MKRN2: variants seen among roughly 807,000 people sequenced by gnomAD.
The protein encoded by MKRN2 is makorin ring finger protein 2.
Under a neutral mutation model 45.4 loss-of-function variants are expected in MKRN2, and 32 were observed. The ratio of observed to expected loss-of-function variants is 0.70; its 90% CI spans 0.53 to 0.95. MKRN2 has a LOEUF of 0.95. Among genes scored for constraint, MKRN2 ranks in the 40% least tolerant of loss-of-function variants. The pLI, the probability that MKRN2 is intolerant of heterozygous loss-of-function variation, is 0.00. For missense variants in MKRN2, 526 were observed against 536.7 expected (o/e 0.98, Z 0.20); for synonymous variants, 206 against 192.4 (o/e 1.07, Z -0.59).
intron 3 of MKRN2, among the ~76,000 whole-genome samples, chr3:12,570,610 C>G (rs1018052556): frequency 6.6e-6 from 1 of 152,140 alleles, no homozygotes; most frequent in Admixed American, 6.5e-5. Flanking sequence ...GGTAAAGTGG[C>G]TCACACCTAT....
chr3:12,566,241 T>A (rs1327215916), intron 1 of MKRN2, among the ~76,000 whole-genome samples: 4 of 152,236 alleles, frequency 2.6e-5, no homozygotes, highest in African/African-American at 9.6e-5. Flanking sequence ...TACCAAGACC[T>A]AGAATATGCC....
chr3:12,569,225 G>A (rs1293441871), intron 2 of MKRN2, among the ~76,000 whole-genome samples: 2 of 140,680 alleles, frequency 1.4e-5, no homozygotes, highest in Non-Finnish European at 3.0e-5. Context: ...GCAGTGGTGC[G>A]ATCTCAGTTC....
chr3:12,576,191 G>T (rs13063580), intron 5 of MKRN2, among the ~76,000 whole-genome samples: 1 of 73,530 alleles, frequency 1.4e-5, no homozygotes, highest in Non-Finnish European at 2.4e-5. Flanking sequence ...AACCATATAT[G>T]TGTGTGTGTG....
intron 5 of MKRN2, among the ~76,000 whole-genome samples, 164 bp from the exon 6 acceptor site, chr3:12,576,467 G>A (rs2058137305): frequency 6.6e-6 from 1 of 152,014 alleles, no homozygotes; most frequent in Non-Finnish European, 1.5e-5. Context: ...ACCCTATTTT[G>A]TTAATAGTAA....
chr3:12,583,161 A>C lies in MKRN2; in HGVS notation c.*908A>C, dbSNP rs1306954831. On this transcript the variant is annotated 3_prime_UTR_variant, in exon 8 of 8. Transcript: ENST00000170447. ...TGGCTTTGATTTGAAATTTTGTAAAAATTTCATGGCACCCAAGGTTTCTGA... is the reference window on the plus strand; with the variant it reads ...TGGCTTTGATTTGAAATTTTGTAAACATTTCATGGCACCCAAGGTTTCTGA... 6.6e-6 allele frequency: 1 copy of C among 152,132 alleles called. No individual in the cohort carries two copies. The allele number at this position is 152,132 out of a possible 1,614,324, so 9.4% of individuals were successfully genotyped here. A position where few individuals can be genotyped will look rare whatever the true frequency, so the allele number is the denominator to read the frequency against.
At position 12,576,800 on chromosome 3, in the gene MKRN2, G is replaced by A. The variant is rs552097539; in HGVS notation, c.968+59G>A. ...GCCTGCCTGGCTCTGCTGTCAGCCC[G>A]TGTCCTCGTTCTCCTTCCCAGGAGT... On this transcript the variant is annotated intron_variant, in intron 6 of 7. Coordinates refer to ENST00000170447, the MANE Select transcript of MKRN2 (RefSeq NM_014160.5). 3.2e-4 allele frequency: 406 copies of A among 1,255,664 alleles called. 6 individuals carry two copies. The South Asian group carries it at 4.1e-3, about 13-fold the overall frequency. 77.8% of individuals were successfully genotyped at this position (1,255,664 alleles called of 1,614,324 possible).
intron 1 of MKRN2, among the ~76,000 whole-genome samples, chr3:12,557,394 G>A (rs1453108805): frequency 2.6e-5 from 4 of 152,254 alleles, no homozygotes; most frequent in African/African-American, 9.6e-5. Flanking sequence ...CCAGCGCGGG[G>A]GGCTACGCCC....
chr3:12,581,571 T>A (rs2058178355), intron 6 of MKRN2, among the ~76,000 whole-genome samples: 1 of 152,166 alleles, frequency 6.6e-6, no homozygotes, highest in African/African-American at 2.4e-5. Context: ...CAGGTTAATA[T>A]CCTTTGCAAG....
intron 1 of MKRN2, among the ~76,000 whole-genome samples, chr3:12,566,009 A>T (rs2058067472): frequency 6.6e-6 from 1 of 151,928 alleles, no homozygotes; most frequent in African/African-American, 2.4e-5. Flanking sequence ...AGTAGCCATC[A>T]TGCACGGCTG....
chr3:12,570,883 CAAAAAAAAAAA>C (rs889392244), intron 3 of MKRN2, among the ~76,000 whole-genome samples: 4 of 48,784 alleles, frequency 8.2e-5, no homozygotes, highest in Admixed American at 4.5e-4. Context: ...GACTCCCTCT[CAAAAAAAAAAA>C]AAAAAAAAAG....
At chr3:12,582,008 G>A (rs2058183800) in intron 7 of MKRN2, 56 bp downstream of exon 7, 1 of 1,609,316 alleles carries the variant, frequency 6.2e-7, no homozygotes, top group Admixed American at 1.7e-5. Context: ...GGCATTTCCA[G>A]GTACCGTTCC....
Position 12,574,888 on chromosome 3 carries a change from G to C in MKRN2, c.739G>C (p.Glu247Gln), listed in dbSNP as rs111242912. ...CAGTATCTGCATGGAAGTGATCCTG[G>C]AGAAGGCCTCTGCTTCTGAGAGGAG... ...VCSICMEVIL[E>Q]KASASERRFG... The change falls in exon 5 of 8, where the codon GAG (glutamate) becomes CAG (glutamine). Residue 247 changes from glutamate (E) to glutamine (Q), a missense_variant. Transcript: ENST00000170447. The C allele has an allele frequency of 2.5e-6, 4 of 1,614,212 alleles. No individual in the cohort carries two copies. The highest frequency in any genetic ancestry group is 3.4e-6 in the Non-Finnish European group (4 of 1,180,006).
chr3:12,567,827 GTCTCTACTGTTTGAGTAT>G (rs1001656418), intron 1 of MKRN2, among the ~76,000 whole-genome samples: 2 of 152,018 alleles, frequency 1.3e-5, no homozygotes, highest in Non-Finnish European at 2.9e-5. Flanking sequence ...TTCATCTAGG[GTCTCTACTGTTTGAGTAT>G]TCACTCAGGT....
intron 5 of MKRN2, among the ~76,000 whole-genome samples, chr3:12,575,719 T>G (rs1430052063): frequency 2.6e-5 from 4 of 152,230 alleles, no homozygotes; most frequent in Non-Finnish European, 5.9e-5. Flanking sequence ...CTCATCCGCT[T>G]TCTGTCTCTA....
chr3:12,574,465 G>T (rs79836657), intron 4 of MKRN2, among the ~76,000 whole-genome samples: 1 of 152,194 alleles, frequency 6.6e-6, no homozygotes, highest in South Asian at 2.1e-4. Flanking sequence ...GAGGAGCTGG[G>T]GGACTAGGGC....
intron 1 of MKRN2, among the ~76,000 whole-genome samples, chr3:12,558,555 T>C (rs2058005246): frequency 6.6e-6 from 1 of 152,230 alleles, no homozygotes; most frequent in African/African-American, 2.4e-5. Context: ...AATAATGCTT[T>C]ATAATTGAAT....
At chr3:12,581,415 T>A (rs2058177534) in intron 6 of MKRN2, among the ~76,000 whole-genome samples, 1 of 152,160 alleles carries the variant, frequency 6.6e-6, no homozygotes, top group Non-Finnish European at 1.5e-5. Context: ...TAGGGAACTT[T>A]GAGCAGAGAC....
chr3:12,581,907 G>A lies in MKRN2; in HGVS notation c.1068G>A (p.Glu356=). ...RHAYPDGRLA[E]PEKPRKQLSS... is the part of the protein sequence containing the mutation. ...CTTACCCCGATGGGCGGCTAGCAGA[G>A]CCTGAGAAACCTCGGAAACAGCTCA... The change falls in exon 7 of 8, where the codon GAG becomes GAA. Residue 356 remains glutamate, a synonymous_variant. Coordinates refer to ENST00000170447, the MANE Select transcript of MKRN2 (RefSeq NM_014160.5). 6.2e-7 allele frequency: 1 copy of A among 1,614,196 alleles called. No homozygotes were observed. Among genetic ancestry groups the A allele is most frequent in the Non-Finnish European group, 8.5e-7 (1 of 1,180,046 alleles).
chr3:12,573,028 A>G (rs549465797), intron 4 of MKRN2, among the ~76,000 whole-genome samples: 1 of 152,352 alleles, frequency 6.6e-6, no homozygotes, highest in African/African-American at 2.4e-5. Flanking sequence ...ATGCAGATAC[A>G]GCATCCTCCC....
Sources: allele counts gnomAD v4.1 joint callset (sites outside exome capture counted in the v4.1 genomes callset), GRCh38; gene constraint gnomAD v4.1.1; transcripts MANE v1.5; gene names NCBI Gene and HGNC (gene_info 2026-07-23, HGNC 2026-07-21).